ST8SIA5: variants seen among roughly 807,000 people sequenced by gnomAD.
ST8SIA5 encodes the protein ST8 alpha-N-acetyl-neuraminide alpha-2,8-sialyltransferase 5, also known as alpha-2,8-sialyltransferase 8E.
In ST8SIA5, 24 loss-of-function variants were observed where a neutral mutation model predicts 40.2. The ratio of observed to expected loss-of-function variants is 0.60; its 90% CI spans 0.43 to 0.84. ST8SIA5 has a LOEUF of 0.84. ST8SIA5 is among the 40% of genes least tolerant of loss of function. The pLI, the probability that ST8SIA5 is intolerant of heterozygous loss-of-function variation, is 0.00. For missense variants in ST8SIA5, 465 were observed against 498.5 expected, an observed-to-expected ratio of 0.93 and a Z score of 0.64; for synonymous variants, 198 against 201.8, an observed-to-expected ratio of 0.98 and a Z score of 0.16.
chr18:46,682,051 G>A lies in ST8SIA5; in HGVS notation c.583C>T (p.Pro195Ser), dbSNP rs1434070843. The change falls in exon 6 of 7, where the codon CCC becomes TCC. Residue 195 changes from proline (P) to serine (S), a missense_variant. Physicochemically the swap from Pro to Ser is moderately conservative, Grantham distance 74 (BLOSUM62 -1). Transcript: ENST00000315087. ...ADFVFRCNLP[P>S]ISEKYTMDVG... ...TCCATGGTGTACTTCTCTGAGATGG[G>A]GGGCAGGTTGCACCTGCAGAAGAGA... is the stretch of plus-strand genomic sequence containing the variant. 2 of 1,608,334 alleles carry A rather than the reference G, an allele frequency of 1.2e-6. No individual in the cohort carries two copies. The highest frequency in any genetic ancestry group is 2.2e-5 in the South Asian group (2 of 89,788).
At chr18:46,721,446 C>G in intron 1 of ST8SIA5, 1 of 1,536,154 alleles carries the variant, frequency 6.5e-7, no homozygotes, top group Non-Finnish European at 8.7e-7. Flanking sequence ...CTGGTCACCA[C>G]TCTGCCAACC....
chr18:46,678,338 AG>A lies in ST8SIA5; in HGVS notation c.*1703del, dbSNP rs1457937161. On this transcript the variant is annotated 3_prime_UTR_variant, in exon 7 of 7. Coordinates refer to ENST00000315087, the MANE Select transcript of ST8SIA5 (RefSeq NM_013305.6). ...CAGGAAGCCCAAGCCAAGACACAAA[AG>A]TTTGGCCAAGAACGGAGCCCTGGAT... 4 of 152,870 alleles carry A rather than the reference AG, an allele frequency of 2.6e-5. No homozygotes were observed. Among genetic ancestry groups the A allele is most frequent in the Non-Finnish European group, 4.4e-5 (3 of 68,580 alleles). 9.5% of individuals were successfully genotyped at this position (152,870 alleles called of 1,614,324 possible). A position where few individuals can be genotyped will look rare whatever the true frequency, so the allele number is the denominator to read the frequency against.
At chr18:46,727,584 A>G (rs2039943507) in intron 1 of ST8SIA5, among the ~76,000 whole-genome samples, 1 of 152,204 alleles carries the variant, frequency 6.6e-6, no homozygotes, top group Non-Finnish European at 1.5e-5. Context: ...TAAAATATAT[A>G]TATGTTCCAG....
At chr18:46,741,350 ACTT>A (rs2040084865) in intron 1 of ST8SIA5, among the ~76,000 whole-genome samples, 1 of 152,208 alleles carries the variant, frequency 6.6e-6, no homozygotes, top group Non-Finnish European at 1.5e-5. Context: ...TGGATCAGTA[ACTT>A]GATTAATAAG....
At chr18:46,751,569 G>C (rs959875255) in intron 1 of ST8SIA5, among the ~76,000 whole-genome samples, 9 of 151,752 alleles carry the variant, frequency 5.9e-5, no homozygotes, top group Non-Finnish European at 1.0e-4. Flanking sequence ...GCTAATTTTT[G>C]TATTTTTAGT....
At chr18:46,727,146 G>A (rs1185597684) in intron 1 of ST8SIA5, among the ~76,000 whole-genome samples, 1 of 152,208 alleles carries the variant, frequency 6.6e-6, no homozygotes, top group Non-Finnish European at 1.5e-5. Flanking sequence ...CAGATATTTA[G>A]AGGCCTCAAG....
In ST8SIA5 at chr18:46,686,242, C is replaced by T; in HGVS notation, c.501G>A (p.Val167=). 6.2e-7 allele frequency: 1 copy of T among 1,614,110 alleles called. No individual in the cohort carries two copies. The change falls in exon 5 of 7, where the codon GTG becomes GTA. Residue 167 remains valine (V), a synonymous_variant. Transcript: ENST00000315087. ...TGTTCTTCAAGATGCCTCCGTTGCC[C>T]ACTACAGCACACTTCTTAAACTGGG... ...YRSQFKKCAV[V]GNGGILKNSR... is the part of the protein sequence containing the mutation.
chr18:46,696,445 G>A (rs538581522), intron 2 of ST8SIA5, among the ~76,000 whole-genome samples: 25 of 152,264 alleles, frequency 1.6e-4, no homozygotes, highest in East Asian at 1.4e-3. Flanking sequence ...TGTTACCAGC[G>A]TCTGGGCCCT....
rs1355187478 is a variant in ST8SIA5 at position 46,682,247 on chromosome 18, GA to G, written c.570-184del. ...CCTTCTGCTCCTTATCAGGCACTAG[GA>G]CAGCCAACAGGCCTTGCTGAAGTTC... On this transcript the variant is annotated intron_variant, in intron 5 of 6. Transcript: ENST00000315087. Among the ~76,000 whole-genome samples the G allele has an allele frequency of 2.6e-5, 4 of 152,338 alleles. No individual in the cohort carries two copies. In the East Asian group the frequency reaches 7.7e-4, roughly 29 times the overall value.
At chr18:46,716,038 G>A (rs9956677) in intron 1 of ST8SIA5, among the ~76,000 whole-genome samples, 59,284 of 151,578 alleles carry the variant, frequency 0.39, 11,805 homozygotes, top group Admixed American at 0.46. Context: ...CCAGAAGGAA[G>A]AACCCCTCTA....
At chr18:46,715,003 G>A (rs886681104) in intron 1 of ST8SIA5, among the ~76,000 whole-genome samples, 2 of 152,242 alleles carry the variant, frequency 1.3e-5, no homozygotes, top group South Asian at 4.1e-4. Context: ...AGCCTCAGCC[G>A]GCCGCAGCCT....
intron 1 of ST8SIA5, among the ~76,000 whole-genome samples, chr18:46,741,647 C>T (rs1024788305): frequency 6.6e-6 from 1 of 152,160 alleles, no homozygotes; most frequent in African/African-American, 2.4e-5. Context: ...CAAAATCTCA[C>T]ATCATATAAA....
In ST8SIA5 at chr18:46,736,177, C is replaced by T. The variant is rs539015321; in HGVS notation, c.131+20201G>A. ...ACATCCCTTTTTTGTATTATGTCTT[C>T]GAAATCCAACGTGTATTGTATATGT... On this transcript the variant is annotated intron_variant, in intron 1 of 6. Coordinates refer to ENST00000315087, the MANE Select transcript of ST8SIA5 (RefSeq NM_013305.6). Among the ~76,000 whole-genome samples, 8 of 152,242 alleles carry T rather than the reference C, an allele frequency of 5.3e-5. No individual in the cohort carries two copies. In the East Asian group the frequency reaches 5.8e-4, roughly 11 times the overall value.
chr18:46,695,015 C>A (rs540023988), intron 2 of ST8SIA5, among the ~76,000 whole-genome samples: 1 of 151,894 alleles, frequency 6.6e-6, no homozygotes, highest in Non-Finnish European at 1.5e-5. Context: ...AAAAATTAGC[C>A]GGGCATGGCA....
In ST8SIA5 at chr18:46,752,452, C is replaced by T. The variant is rs146846444; in HGVS notation, c.131+3926G>A. On this transcript the variant is annotated intron_variant, in intron 1 of 6. Transcript: ENST00000315087. ...GAGAAGCCAAGAGCATCAAGGAGTA[C>T]GTTCACAACTTTGTTTCTTGTCTTT... Among the ~76,000 whole-genome samples, 415 of 152,270 alleles carry T rather than the reference C, an allele frequency of 2.7e-3. 1 individual carries two copies. The highest frequency in any genetic ancestry group is 9.0e-3 in the African/African-American group (373 of 41,564).
chr18:46,696,723 T>C (rs918016217), intron 2 of ST8SIA5, among the ~76,000 whole-genome samples: 2 of 152,186 alleles, frequency 1.3e-5, no homozygotes, highest in South Asian at 2.1e-4. Context: ...TCTTTAAAGA[T>C]GAAGGGTTGA....
chr18:46,754,884 C>T (rs112071207), intron 1 of ST8SIA5, among the ~76,000 whole-genome samples: 2 of 152,244 alleles, frequency 1.3e-5, no homozygotes, highest in Non-Finnish European at 2.9e-5. Context: ...AGCAGGCAAT[C>T]GGCCTGCAGG....
intron 2 of ST8SIA5, among the ~76,000 whole-genome samples, chr18:46,696,096 C>T (rs2144488208): frequency 6.6e-6 from 1 of 152,184 alleles, no homozygotes; most frequent in East Asian, 1.9e-4. Flanking sequence ...CCTGAAATGA[C>T]ACAGGAGTGA....
Position 46,679,706 on chromosome 18 carries a change from G to T in ST8SIA5, c.*336C>A. On this transcript the variant is annotated 3_prime_UTR_variant, in exon 7 of 7. Coordinates refer to ENST00000315087, the MANE Select transcript of ST8SIA5 (RefSeq NM_013305.6). ...GGCCTGCAGTTTGTGCTCTCTCTCG[G>T]ATGACAAAATTGGGTGGAAATGTGC... The T allele has an allele frequency of 3.0e-6, 1 of 337,786 alleles. No homozygotes were observed. Among genetic ancestry groups the T allele is most frequent in the Non-Finnish European group, 5.5e-6 (1 of 180,956 alleles). 20.9% of individuals were successfully genotyped at this position (337,786 alleles called of 1,614,324 possible).
Sources: allele counts gnomAD v4.1 joint callset (sites outside exome capture counted in the v4.1 genomes callset), GRCh38; gene constraint gnomAD v4.1.1; transcripts MANE v1.5; gene names NCBI Gene and HGNC (gene_info 2026-07-23, HGNC 2026-07-21).